Variants in MPHOSPH9 observed in about 807,000 individuals in gnomAD.
MPHOSPH9 encodes M-phase phosphoprotein 9.
A neutral mutation model predicts 145.5 loss-of-function variants in MPHOSPH9; 88 were observed. That is an observed-to-expected ratio of 0.60 (90% CI 0.51 to 0.72). The LOEUF (loss-of-function observed/expected upper bound fraction) is 0.72. Among genes scored for constraint, MPHOSPH9 ranks in the 30% least tolerant of loss-of-function variants. MPHOSPH9 has a pLI of 0.00. For synonymous variants in MPHOSPH9, 435 were observed against 486.2 expected, an observed-to-expected ratio of 0.89 and a Z score of 1.39; for missense variants, 1,238 against 1,386.6, an observed-to-expected ratio of 0.89 and a Z score of 1.70.
chr12:123,237,314 C>T (rs2047866933), upstream of MPHOSPH9, among the ~76,000 whole-genome samples: 3 of 152,104 alleles, frequency 2.0e-5, no homozygotes, highest in South Asian at 6.2e-4. Context: ...CCTGTAGTCC[C>T]AGATACTCAG....
intron 1 of MPHOSPH9, 155 bp downstream of exon 1, chr12:123,232,920 C>A (rs968350611): frequency 6.6e-6 from 1 of 152,352 alleles, no homozygotes; most frequent in Non-Finnish European, 1.5e-5. Flanking sequence ...AGCTCCCACA[C>A]GCCGAAGGGC....
intron 1 of MPHOSPH9, among the ~76,000 whole-genome samples, chr12:123,231,687 A>G (rs1282373278): frequency 6.6e-6 from 1 of 151,904 alleles, no homozygotes; most frequent in African/African-American, 2.4e-5. Flanking sequence ...ACAGACCAAG[A>G]CCCCATCTCT....
intron 13 of MPHOSPH9, among the ~76,000 whole-genome samples, chr12:123,188,747 C>CT (rs1336706876): frequency 2.0e-5 from 3 of 152,142 alleles, no homozygotes; most frequent in African/African-American, 7.2e-5. Flanking sequence ...ACATGGTAGG[C>CT]TAAGGCAGGG....
At position 123,161,370 on chromosome 12, in the gene MPHOSPH9, A is replaced by G. The variant is rs138865689; in HGVS notation, c.3147T>C (p.Ser1049=). The change falls in exon 22 of 24, where the codon TCT becomes TCC. Residue 1049 remains serine, a synonymous_variant. Coordinates refer to ENST00000606320, the MANE Select transcript of MPHOSPH9 (RefSeq NM_022782.4). ...PLDDSEEKTY[S]EKATDNHVNH... ...TAACATGGTTATCGGTGGCTTTCTC[A>G]GAATAAGTTTTTTCTGTCAGAGAGG... 11 of 1,614,040 alleles carry G rather than the reference A, an allele frequency of 6.8e-6. No homozygotes were observed. Among genetic ancestry groups the G allele is most frequent in the South Asian group, 1.1e-5 (1 of 91,068 alleles).
chr12:123,192,596 T>A (rs2045729252), intron 13 of MPHOSPH9, among the ~76,000 whole-genome samples: 2 of 111,034 alleles, frequency 1.8e-5, no homozygotes, highest in Middle Eastern at 0.011. Context: ...ACCACTGCAC[T>A]CCAGCCTGGG....
At chr12:123,232,610 C>G (rs140113714) in intron 1 of MPHOSPH9, among the ~76,000 whole-genome samples, 1 of 152,222 alleles carries the variant, frequency 6.6e-6, no homozygotes, top group African/African-American at 2.4e-5. Flanking sequence ...TCCCGACATT[C>G]TGAGCTCACA....
chr12:123,175,209 G>A (rs1299527181), intron 16 of MPHOSPH9, among the ~76,000 whole-genome samples: 1 of 151,494 alleles, frequency 6.6e-6, no homozygotes, highest in African/African-American at 2.4e-5. Flanking sequence ...GGAGTGCAGT[G>A]GCGCAATCTC....
chr12:123,222,447 A>G (rs1453902602), intron 4 of MPHOSPH9, among the ~76,000 whole-genome samples: 3 of 152,026 alleles, frequency 2.0e-5, no homozygotes, highest in Non-Finnish European at 4.4e-5. Context: ...GGGCAGATCA[A>G]GAGGTCAGGA....
rs567555369 is a variant in MPHOSPH9 at position 123,210,000 on chromosome 12, C to T, written c.1194+56G>A. 85 of 1,244,448 alleles carry T rather than the reference C, an allele frequency of 6.8e-5. 1 individual carries two copies. The East Asian group carries it at 7.0e-4, about 10-fold the overall frequency. The allele number at this position is 1,244,448 out of a possible 1,614,324, so 77.1% of individuals were successfully genotyped here. A position where few individuals can be genotyped will look rare whatever the true frequency, so the allele number is the denominator to read the frequency against. ...ATCCGCCCACCTCGGCCTCCCAAAG[C>T]GCTGGGATTACAGGCGTAAGCCACC... On this transcript the variant is annotated intron_variant, in intron 8 of 23. Transcript: ENST00000606320.
chr12:123,202,398 A>G (rs957757953), intron 10 of MPHOSPH9, 79 bp from the exon 11 acceptor site: 2 of 1,400,984 alleles, frequency 1.4e-6, no homozygotes, highest in East Asian at 2.3e-5. Context: ...CAAGAACACA[A>G]TGATTCTCAT....
chr12:123,224,191 G>GTGGCA (rs966350148), intron 3 of MPHOSPH9, among the ~76,000 whole-genome samples: 2 of 146,158 alleles, frequency 1.4e-5, no homozygotes, highest in Non-Finnish European at 3.0e-5. Flanking sequence ...CTGGAGTGCA[G>GTGGCA]TGGCATGATC....
At chr12:123,183,312 C>A (rs898750073) in intron 13 of MPHOSPH9, among the ~76,000 whole-genome samples, 1 of 151,740 alleles carries the variant, frequency 6.6e-6, no homozygotes, top group Non-Finnish European at 1.5e-5. Flanking sequence ...CTTTGGGAGG[C>A]CGAGGCAGGT....
At chr12:123,156,955 T>A in intron 23 of MPHOSPH9, 47 bp from the exon 24 acceptor site, 1 of 1,430,364 alleles carries the variant, frequency 7.0e-7, no homozygotes, top group Non-Finnish European at 9.8e-7. Context: ...CTATACCAAG[T>A]TCTATAATCA....
chr12:123,193,263 A>T (rs4460848), intron 13 of MPHOSPH9, among the ~76,000 whole-genome samples: 1 of 151,168 alleles, frequency 6.6e-6, no homozygotes, highest in Non-Finnish European at 1.5e-5. Context: ...AGATGGAAAA[A>T]AAAATGAGAG....
intron 5 of MPHOSPH9, among the ~76,000 whole-genome samples, chr12:123,220,008 ACAC>A (rs1336335679): frequency 1.1e-4 from 16 of 152,294 alleles, no homozygotes; most frequent in Non-Finnish European, 2.4e-4. Flanking sequence ...AGCCTGGCCA[ACAC>A]GGCGAAACCC....
At chr12:123,213,804 G>A (rs933723045) in intron 7 of MPHOSPH9, among the ~76,000 whole-genome samples, 3 of 152,172 alleles carry the variant, frequency 2.0e-5, no homozygotes, top group African/African-American at 7.2e-5. Flanking sequence ...AGGGTTTGGA[G>A]AGGAGGAGTC....
chr12:123,152,665 T>C, downstream of MPHOSPH9: 1 of 450,742 alleles, frequency 2.2e-6, no homozygotes, highest in South Asian at 1.6e-5. Context: ...AAAGACTTAG[T>C]AACACAGTTC....
chr12:123,176,908 A>G (rs959101792), intron 15 of MPHOSPH9, 119 bp from the exon 16 acceptor site: 7 of 724,184 alleles, frequency 9.7e-6, no homozygotes, highest in Non-Finnish European at 1.6e-5. Context: ...TTGCAAGTCC[A>G]TGGCCGGGAA....
At chr12:123,170,910 C>T (rs1716177) in intron 16 of MPHOSPH9, among the ~76,000 whole-genome samples, 97,306 of 151,672 alleles carry the variant, frequency 0.64, 35,667 homozygotes, top group East Asian at 1. Context: ...CTTTGCCAAA[C>T]GTTAAAGTGT....
Sources: allele counts gnomAD v4.1 joint callset (sites outside exome capture counted in the v4.1 genomes callset), GRCh38; gene constraint gnomAD v4.1.1; transcripts MANE v1.5; gene names NCBI Gene and HGNC (gene_info 2026-07-23, HGNC 2026-07-21).